Variants in SCLT1 observed in about 807,000 individuals in gnomAD.
SCLT1 encodes sodium channel-associated protein 1.
A neutral mutation model predicts 112.8 loss-of-function variants in SCLT1; 78 were observed. The ratio of observed to expected loss-of-function variants is 0.69; its 90% CI spans 0.58 to 0.83. SCLT1 has a LOEUF of 0.83. Ranked by LOEUF, SCLT1 falls within the 40% of genes least tolerant of loss-of-function variation. The pLI is 0.00. For synonymous variants in SCLT1, 257 were observed against 254.7 expected (o/e 1.01, Z -0.09); for missense variants, 747 against 770.4 (o/e 0.97, Z 0.36).
intron 9 of SCLT1, among the ~76,000 whole-genome samples, chr4:128,986,684 G>T (rs1742122944): frequency 1.3e-5 from 2 of 152,136 alleles, no homozygotes; most frequent in Admixed American, 1.3e-4. Flanking sequence ...TTTGCACCTG[G>T]ATGCGTTTCT....
chr4:129,043,743 T>C (rs571245828), intron 3 of SCLT1, among the ~76,000 whole-genome samples: 1 of 152,294 alleles, frequency 6.6e-6, no homozygotes, highest in African/African-American at 2.4e-5. Context: ...AGCCTCACTT[T>C]CCATAGTAGT....
At chr4:129,075,488 C>T (rs950887095) in intron 2 of SCLT1, among the ~76,000 whole-genome samples, 6 of 152,058 alleles carry the variant, frequency 3.9e-5, no homozygotes, top group Non-Finnish European at 5.9e-5. Context: ...CAAGGTTTTA[C>T]GTGGGTAACT....
At chr4:129,046,459 T>G (rs1012242217) in intron 2 of SCLT1, among the ~76,000 whole-genome samples, 1 of 152,122 alleles carries the variant, frequency 6.6e-6, no homozygotes, top group Non-Finnish European at 1.5e-5. Context: ...TGGCTTCTTT[T>G]GCTTATCACT....
At chr4:128,934,395 C>T (rs2125979730) in intron 18 of SCLT1, among the ~76,000 whole-genome samples, 1 of 151,646 alleles carries the variant, frequency 6.6e-6, no homozygotes, top group East Asian at 1.9e-4. Context: ...AGATATTGCT[C>T]CATGTGCTAG....
At position 128,931,639 on chromosome 4, in the gene SCLT1, T is replaced by C. The variant is rs182516750; in HGVS notation, c.1829+5016A>G. ...CACCACGCCCGGCTAATTTTTTGTATTTTTAGTAGGGACAGGGTTTCACTG... is the reference window on the plus strand; with the variant it reads ...CACCACGCCCGGCTAATTTTTTGTACTTTTAGTAGGGACAGGGTTTCACTG... On this transcript the variant is annotated intron_variant, in intron 18 of 20. Transcript: ENST00000281142. Among the ~76,000 whole-genome samples, 235 of 152,202 alleles carry C rather than the reference T, an allele frequency of 1.5e-3. 2 individuals are homozygous for C. The highest frequency in any genetic ancestry group is 0.013 in the East Asian group (68 of 5,170).
At chr4:129,054,451 T>G (rs1749158151) in intron 2 of SCLT1, among the ~76,000 whole-genome samples, 1 of 152,158 alleles carries the variant, frequency 6.6e-6, no homozygotes, top group Non-Finnish European at 1.5e-5. Flanking sequence ...GTCCTTGCTT[T>G]TCATTCTGTT....
chr4:128,891,193 T>A (rs1733285629), intron 18 of SCLT1, 56 bp from the exon 19 acceptor site: 3 of 1,298,986 alleles, frequency 2.3e-6, no homozygotes, highest in Middle Eastern at 1.9e-4. Context: ...GAAAACAGAA[T>A]CTTTATTAGC....
chr4:128,913,723 G>A (rs148491601), intron 18 of SCLT1, among the ~76,000 whole-genome samples: 68 of 152,186 alleles, frequency 4.5e-4, no homozygotes, highest in Admixed American at 1.4e-3. Flanking sequence ...AAAATGGGGC[G>A]CTCTCAAAAA....
At chr4:128,963,282 A>G (rs768475412) in intron 11 of SCLT1, among the ~76,000 whole-genome samples, 1 of 152,166 alleles carries the variant, frequency 6.6e-6, no homozygotes, top group Non-Finnish European at 1.5e-5. Flanking sequence ...AGTAGTATCC[A>G]TTGGTGAATT....
At chr4:129,083,586 G>A (rs1014129843) in intron 1 of SCLT1, among the ~76,000 whole-genome samples, 4 of 152,076 alleles carry the variant, frequency 2.6e-5, no homozygotes, top group African/African-American at 9.7e-5. Flanking sequence ...GAGCCTAGGA[G>A]TTTGAGGCTA....
At chr4:129,020,172 G>C (rs1745340187) in intron 5 of SCLT1, among the ~76,000 whole-genome samples, 1 of 152,118 alleles carries the variant, frequency 6.6e-6, no homozygotes, top group African/African-American at 2.4e-5. Context: ...CCTACTTTCT[G>C]AAAATCATTG....
At chr4:129,005,018 GAA>G (rs1743867157) in intron 5 of SCLT1, among the ~76,000 whole-genome samples, 1 of 151,570 alleles carries the variant, frequency 6.6e-6, no homozygotes, top group African/African-American at 2.4e-5. Flanking sequence ...ACAAGTTTTA[GAA>G]AAGATACCCC....
At chr4:129,057,392 G>A (rs1232728069) in intron 2 of SCLT1, among the ~76,000 whole-genome samples, 2 of 149,564 alleles carry the variant, frequency 1.3e-5, no homozygotes, top group East Asian at 2.0e-4. Context: ...AATAATTTTA[G>A]AAGAATTAAT....
At position 128,948,574 on chromosome 4, in the gene SCLT1, T is replaced by A. The variant is rs1371107291; in HGVS notation, c.1219-4A>T. On this transcript the variant is annotated splice_region_variant and splice_polypyrimidine_tract_variant and intron_variant, in intron 14 of 20. Coordinates refer to ENST00000281142, the MANE Select transcript of SCLT1 (RefSeq NM_144643.4). Reference sequence around the variant, plus strand: ...GGCCTTGTTTTTCAGCACACTCCTATAAATTCAAGTCATATTGTAAATATA... The same window carrying A: ...GGCCTTGTTTTTCAGCACACTCCTAAAAATTCAAGTCATATTGTAAATATA... The A allele has an allele frequency of 1.3e-6, 2 of 1,589,988 alleles. No homozygotes were observed. The highest frequency in any genetic ancestry group is 1.7e-6 in the Non-Finnish European group (2 of 1,160,830).
intron 11 of SCLT1, 142 bp downstream of exon 11, chr4:128,965,085 T>G: frequency 1.8e-6 from 1 of 547,940 alleles, no homozygotes; most frequent in Non-Finnish European, 3.3e-6. Flanking sequence ...CAATGTCGAT[T>G]AAATCAGATT....
chr4:128,901,330 A>G (rs1217809865), intron 18 of SCLT1, among the ~76,000 whole-genome samples: 1 of 152,232 alleles, frequency 6.6e-6, no homozygotes, highest in Non-Finnish European at 1.5e-5. Flanking sequence ...ACCATGGAAT[A>G]CTATGGAGCC....
intron 18 of SCLT1, among the ~76,000 whole-genome samples, chr4:128,930,276 T>C (rs1736653170): frequency 6.6e-6 from 1 of 152,148 alleles, no homozygotes; most frequent in Non-Finnish European, 1.5e-5. Context: ...GGAAGTGAGG[T>C]ATCTGGCCAT....
intron 13 of SCLT1, among the ~76,000 whole-genome samples, chr4:128,953,989 C>T (rs889156324): frequency 6.6e-5 from 10 of 151,928 alleles, no homozygotes; most frequent in African/African-American, 2.4e-4. Flanking sequence ...TAAATATCTT[C>T]AGAAAGAAGA....
At chr4:129,057,236 A>C (rs1373266729) in intron 2 of SCLT1, among the ~76,000 whole-genome samples, 3 of 151,984 alleles carry the variant, frequency 2.0e-5, no homozygotes, top group Non-Finnish European at 4.4e-5. Flanking sequence ...TTTTCCAATT[A>C]TTTTGTTGAA....
Sources: gnomAD v4.1 joint callset for allele counts (sites outside exome capture counted in the v4.1 genomes callset) on GRCh38, gnomAD v4.1.1 for gene constraint, MANE v1.5 for transcripts, NCBI Gene and HGNC (gene_info 2026-07-23, HGNC 2026-07-21) for gene names.